Variants in ARFIP1 observed in about 807,000 individuals in gnomAD.
ARFIP1 encodes the protein ARF interacting protein 1, also known as arfaptin-1.
A neutral mutation model predicts 42.5 loss-of-function variants in ARFIP1; 24 were observed. The ratio of observed to expected loss-of-function variants is 0.57; its 90% CI spans 0.41 to 0.80. ARFIP1 has a LOEUF of 0.80. Among genes scored for constraint, ARFIP1 ranks in the 30% least tolerant of loss-of-function variants. The pLI, the probability that ARFIP1 is intolerant of heterozygous loss-of-function variation, is 0.00. For missense variants in ARFIP1, 354 were observed against 434.0 expected (o/e 0.82, Z 1.64); for synonymous variants, 141 against 153.7 (o/e 0.92, Z 0.61).
At chr4:152,903,116 A>G (rs1239786805) in intron 8 of ARFIP1, among the ~76,000 whole-genome samples, 1 of 152,218 alleles carries the variant, frequency 6.6e-6, no homozygotes, top group Non-Finnish European at 1.5e-5. Context: ...TCTGTAGCAT[A>G]TCAGGCAGAA....
chr4:152,905,545 G>GTTTTGTTTTTTT (rs1738253971), intron 8 of ARFIP1, among the ~76,000 whole-genome samples: 1 of 30,372 alleles, frequency 3.3e-5, no homozygotes, highest in Non-Finnish European at 5.8e-5. Flanking sequence ...TGTAAGAATT[G>GTTTTGTTTTTTT]TTTTTTTTTT....
intron 8 of ARFIP1, among the ~76,000 whole-genome samples, chr4:152,898,379 CTG>C (rs1737537521): frequency 6.6e-6 from 1 of 152,126 alleles, no homozygotes; most frequent in African/African-American, 2.4e-5. Context: ...CTATACTTTG[CTG>C]TGTTAGATTA....
rs78343255 is a variant in ARFIP1 at position 152,898,368 on chromosome 4, T to C, written c.966+10061T>C. ...GACCATAATTTCCTTCCATGACTTA[T>C]CTATACTTTGCTGTGTTAGATTAAA... On this transcript the variant is annotated intron_variant, in intron 8 of 8. Coordinates refer to ENST00000353617, the MANE Select transcript of ARFIP1 (RefSeq NM_001025595.3). 3.3e-3 allele frequency among the ~76,000 whole-genome samples: 510 copies of C among 152,326 alleles called. 2 individuals are homozygous for C. Among genetic ancestry groups the C allele is most frequent in the Middle Eastern group, 0.02 (6 of 294 alleles).
In ARFIP1 at chr4:152,889,811, ATATATATAC is replaced by A. The variant is rs1350212621; in HGVS notation, c.966+1520_966+1528del. Among the ~76,000 whole-genome samples, 78 of 117,116 alleles carry A rather than the reference ATATATATAC, an allele frequency of 6.7e-4. 1 individual carries two copies. The highest frequency in any genetic ancestry group is 2.3e-3 in the African/African-American group (67 of 29,382). 76.8% of individuals were successfully genotyped at this position (117,116 alleles called of 152,430 possible). A position where few individuals can be genotyped will look rare whatever the true frequency, so the allele number is the denominator to read the frequency against. ...TATATTATATACTATACTATATACT[ATATATATAC>A]TATATATACTATATACTATATATAT... On this transcript the variant is annotated intron_variant, in intron 8 of 8. Transcript: ENST00000353617.
At chr4:152,863,557 A>G in intron 2 of ARFIP1, 49 bp from the exon 3 acceptor site, 2 of 1,044,102 alleles carry the variant, frequency 1.9e-6, no homozygotes, top group Non-Finnish European at 3.0e-6. Context: ...CTGTTACGTC[A>G]TGTGGGATTT....
chr4:152,829,190 G>T (rs1405738085), intron 1 of ARFIP1, among the ~76,000 whole-genome samples: 1 of 152,192 alleles, frequency 6.6e-6, no homozygotes, highest in African/African-American at 2.4e-5. Context: ...ACTAAAGTTT[G>T]TGGATTTTTA....
At chr4:152,802,825 T>C (rs1728528017) in intron 1 of ARFIP1, among the ~76,000 whole-genome samples, 1 of 152,208 alleles carries the variant, frequency 6.6e-6, no homozygotes, top group African/African-American at 2.4e-5. Flanking sequence ...TTTTAGTCTT[T>C]GGATGACTCT....
intron 3 of ARFIP1, among the ~76,000 whole-genome samples, chr4:152,864,204 A>G (rs1734128358): frequency 6.6e-6 from 1 of 152,142 alleles, no homozygotes; most frequent in South Asian, 2.1e-4. Flanking sequence ...CCACCTCTCT[A>G]TCCTAAACTG....
chr4:152,805,636 A>G (rs1292498821), intron 1 of ARFIP1, among the ~76,000 whole-genome samples: 3 of 152,232 alleles, frequency 2.0e-5, no homozygotes, highest in Non-Finnish European at 4.4e-5. Context: ...GGCAGAGCCT[A>G]GATCATGATG....
At chr4:152,804,621 C>A (rs1234995873) in intron 1 of ARFIP1, among the ~76,000 whole-genome samples, 1 of 149,170 alleles carries the variant, frequency 6.7e-6, no homozygotes, top group African/African-American at 2.5e-5. Flanking sequence ...CCCACGTCAT[C>A]ACTTGCTAGC....
At chr4:152,827,211 C>T (rs1730907251) in intron 1 of ARFIP1, among the ~76,000 whole-genome samples, 1 of 152,110 alleles carries the variant, frequency 6.6e-6, no homozygotes, top group Non-Finnish European at 1.5e-5. Context: ...ACAATTCTTT[C>T]ATAAGGTCAT....
At chr4:152,896,110 T>C (rs1234162005) in intron 8 of ARFIP1, among the ~76,000 whole-genome samples, 1 of 149,926 alleles carries the variant, frequency 6.7e-6, no homozygotes, top group Non-Finnish European at 1.5e-5. Context: ...GGCAGTGATA[T>C]TGGGGCCGAG....
At chr4:152,889,013 A>T (rs926372553) in intron 8 of ARFIP1, among the ~76,000 whole-genome samples, 6 of 152,178 alleles carry the variant, frequency 3.9e-5, no homozygotes, top group African/African-American at 1.2e-4. Context: ...GAATAGGTGT[A>T]GTGCAGTCCT....
At chr4:152,807,131 A>G (rs1306695202) in intron 1 of ARFIP1, 3 of 151,696 alleles carry the variant, frequency 2.0e-5, no homozygotes, top group Non-Finnish European at 4.4e-5. Flanking sequence ...TTGCTGAGGA[A>G]TATTTCATTG....
chr4:152,888,007 A>C, intron 7 of ARFIP1, 126 bp from the exon 8 acceptor site: 1 of 585,544 alleles, frequency 1.7e-6, no homozygotes, highest in Non-Finnish European at 2.7e-6. Context: ...CGTCAAGTAG[A>C]ATATGTGTGA....
At chr4:152,837,456 G>A (rs1332109600) in intron 2 of ARFIP1, among the ~76,000 whole-genome samples, 3 of 152,070 alleles carry the variant, frequency 2.0e-5, no homozygotes, top group Non-Finnish European at 2.9e-5. Flanking sequence ...TTGATTTTTC[G>A]ATCATGGCCA....
At chr4:152,810,428 A>T (rs368432093) in intron 1 of ARFIP1, 4 of 152,200 alleles carry the variant, frequency 2.6e-5, no homozygotes, top group African/African-American at 9.6e-5. Flanking sequence ...TTTTACTGTT[A>T]TCTGTGCTCT....
At chr4:152,842,116 C>A (rs923277340) in intron 2 of ARFIP1, among the ~76,000 whole-genome samples, 1 of 152,024 alleles carries the variant, frequency 6.6e-6, no homozygotes, top group Non-Finnish European at 1.5e-5. Context: ...TAGCTCACAC[C>A]CAACCAATCA....
chr4:152,889,906 T>TAC (rs1370228130), intron 8 of ARFIP1, among the ~76,000 whole-genome samples: 2 of 136,876 alleles, frequency 1.5e-5, no homozygotes, highest in African/African-American at 5.5e-5. Flanking sequence ...ACTATATATA[T>TAC]ACTAATATAT....
Sources: gnomAD v4.1 joint callset for allele counts (sites outside exome capture counted in the v4.1 genomes callset) on GRCh38, gnomAD v4.1.1 for gene constraint, MANE v1.5 for transcripts, NCBI Gene and HGNC (gene_info 2026-07-23, HGNC 2026-07-21) for gene names.